Variants in FREM1 observed in about 807,000 individuals in gnomAD.
The protein encoded by FREM1 is FRAS1-related extracellular matrix protein 1.
Under a neutral mutation model 210.1 loss-of-function variants are expected in FREM1, and 220 were observed. That is an observed-to-expected ratio of 1.05 (90% CI 0.94 to 1.17). The LOEUF is 1.17. Among genes scored for constraint, FREM1 ranks in the 50% most tolerant of loss-of-function variants. The pLI, the probability that FREM1 is intolerant of heterozygous loss-of-function variation, is 0.00. For synonymous variants in FREM1, 1,189 were observed against 980.2 expected (o/e 1.21, Z -3.98); for missense variants, 3,454 against 2,675.5 (o/e 1.29, Z -6.42).
intron 5 of FREM1, 94 bp downstream of exon 5, chr9:14,857,459 T>G: frequency 4.6e-6 from 5 of 1,080,046 alleles, no homozygotes; most frequent in South Asian, 1.3e-5. Context: ...GCACAGGAAC[T>G]CTCCCTGGCA....
intron 12 of FREM1, 101 bp downstream of exon 12, chr9:14,823,924 G>A: frequency 1.8e-6 from 1 of 547,626 alleles, no homozygotes. Flanking sequence ...AGTCTTTGTG[G>A]ATGTCAAAGA....
At position 14,746,929 on chromosome 9, in the gene FREM1, T is replaced by G. The variant is rs752880221; in HGVS notation, c.6132A>C (p.Gln2044His). ...TGCTCAGCCTGCCTCCTACCTTGGTTTGGGGACTCCAGGCTTTCCAGGCGA... is the reference window on the plus strand; with the variant it reads ...TGCTCAGCCTGCCTCCTACCTTGGTGTGGGGACTCCAGGCTTTCCAGGCGA... Reference protein sequence around the residue: ...NGIAWKAWSPQTKDVEDKSCP... With the variant: ...NGIAWKAWSPHTKDVEDKSCP... Residue 2044 changes from glutamine (Q) to histidine (H), a missense_variant, in exon 34 of 37, where the codon CAA becomes CAC. By Grantham distance (24) the Gln-to-His change is conservative (BLOSUM62 0). Transcript: ENST00000380880. 1 of 1,612,800 alleles carries G rather than the reference T, an allele frequency of 6.2e-7. No homozygotes were observed. The highest frequency in any genetic ancestry group is 1.7e-5 in the Admixed American group (1 of 59,866).
At chr9:14,767,959 CA>C in intron 27 of FREM1, among the ~76,000 whole-genome samples, 1 of 152,172 alleles carries the variant, frequency 6.6e-6, no homozygotes, top group African/African-American at 2.4e-5. Flanking sequence ...TAATAGCCAA[CA>C]AAAGCAGGAG....
At chr9:14,741,930 G>T (rs984978589) in intron 35 of FREM1, among the ~76,000 whole-genome samples, 1 of 152,056 alleles carries the variant, frequency 6.6e-6, no homozygotes, top group Non-Finnish European at 1.5e-5. Context: ...GTACAATTTC[G>T]GTTTTCTTTT....
At chr9:14,887,343 T>C (rs949165857) in intron 1 of FREM1, among the ~76,000 whole-genome samples, 2 of 152,188 alleles carry the variant, frequency 1.3e-5, no homozygotes, top group Non-Finnish European at 2.9e-5. Context: ...AGCAGAGCTG[T>C]GGGAGAAACA....
chr9:14,742,130 T>C (rs959879308), intron 35 of FREM1, among the ~76,000 whole-genome samples: 1 of 152,212 alleles, frequency 6.6e-6, no homozygotes, highest in Non-Finnish European at 1.5e-5. Flanking sequence ...GTGGGTATTA[T>C]CTGTATAGGT....
intron 16 of FREM1, among the ~76,000 whole-genome samples, chr9:14,811,763 C>T (rs7847812): frequency 0.031 from 4,717 of 152,136 alleles, 213 homozygotes; most frequent in African/African-American, 0.11. Flanking sequence ...CTATCTCCAT[C>T]CCTCCTCCTT....
intron 18 of FREM1, among the ~76,000 whole-genome samples, chr9:14,806,253 C>CCTT (rs763690646): frequency 7.7e-6 from 1 of 129,788 alleles, no homozygotes; most frequent in African/African-American, 3.0e-5. Flanking sequence ...GTGCTTTAAA[C>CCTT]TTTTTTTTTT....
intron 10 of FREM1, among the ~76,000 whole-genome samples, chr9:14,828,637 G>GC (rs1491507412): frequency 8.5e-6 from 1 of 116,964 alleles, no homozygotes; most frequent in African/African-American, 2.9e-5. Context: ...ATAAATTGTG[G>GC]CGGGGCGGGG....
At chr9:14,800,790 G>C (rs1287833282) in intron 20 of FREM1, among the ~76,000 whole-genome samples, 1 of 152,172 alleles carries the variant, frequency 6.6e-6, no homozygotes, top group Non-Finnish European at 1.5e-5. Flanking sequence ...CAAGCCTAGA[G>C]AGAGCCCTTG....
chr9:14,784,745 C>A, intron 23 of FREM1, 111 bp from the exon 24 acceptor site: 1 of 672,018 alleles, frequency 1.5e-6, no homozygotes, highest in Non-Finnish European at 2.2e-6. Context: ...ATTAATACGA[C>A]ATAGAAAGGT....
chr9:14,764,604 T>A (rs535374208), intron 27 of FREM1, among the ~76,000 whole-genome samples: 1 of 152,306 alleles, frequency 6.6e-6, no homozygotes, highest in East Asian at 1.9e-4. Flanking sequence ...GAGATGGTAT[T>A]CGTTGCCACA....
intron 16 of FREM1, among the ~76,000 whole-genome samples, chr9:14,809,768 T>C (rs993432044): frequency 2.0e-5 from 3 of 152,202 alleles, no homozygotes; most frequent in African/African-American, 7.2e-5. Flanking sequence ...ATTTTGGAAC[T>C]TTCAAAAGAC....
chr9:14,868,680 C>A lies in FREM1; in HGVS notation c.234+64G>T, dbSNP rs1242603167. The A allele has an allele frequency of 7.9e-6, 8 of 1,016,394 alleles. No homozygotes were observed. In the Admixed American group the frequency reaches 8.0e-5, roughly 10 times the overall value. The allele number at this position is 1,016,394 out of a possible 1,614,324, so 63.0% of individuals were successfully genotyped here. A position where few individuals can be genotyped will look rare whatever the true frequency, so the allele number is the denominator to read the frequency against. ...ATTTTACATCTGTTCTCTGTCCCCC[C>A]ACACATTTTCATACACTTGCATTCA... On this transcript the variant is annotated intron_variant, in intron 2 of 36. Coordinates refer to ENST00000380880, the MANE Select transcript of FREM1 (RefSeq NM_001379081.2).
chr9:14,757,104 T>A (rs747728398), intron 28 of FREM1, among the ~76,000 whole-genome samples: 30 of 152,112 alleles, frequency 2.0e-4, no homozygotes, highest in Non-Finnish European at 3.7e-4. Flanking sequence ...GGTAGGTGTT[T>A]TAAAACAACA....
At chr9:14,856,131 G>C (rs1378892956) in intron 5 of FREM1, among the ~76,000 whole-genome samples, 1 of 151,996 alleles carries the variant, frequency 6.6e-6, no homozygotes, top group Non-Finnish European at 1.5e-5. Flanking sequence ...TATGTGCCAG[G>C]TTTTATGTCA....
In FREM1 at chr9:14,890,931, G is replaced by A. The variant is rs993358942; in HGVS notation, c.-268+18983C>T. ...AAATCATGTTGCTTTCAGCCAGAGC[G>A]TTGTATCATACAATTTTCACAACAG... On this transcript the variant is annotated intron_variant, in intron 1 of 36. Transcript: ENST00000380880. Among the ~76,000 whole-genome samples the A allele has an allele frequency of 3.3e-5, 5 of 152,170 alleles. No homozygotes were observed. The East Asian group carries it at 5.8e-4, about 18-fold the overall frequency.
chr9:14,874,152 G>C (rs1313408751), intron 1 of FREM1, among the ~76,000 whole-genome samples: 1 of 152,180 alleles, frequency 6.6e-6, no homozygotes, highest in Non-Finnish European at 1.5e-5. Flanking sequence ...CTGTTGATTT[G>C]GGGTGGAGGG....
intron 5 of FREM1, among the ~76,000 whole-genome samples, chr9:14,854,552 A>G (rs1588386741): frequency 6.6e-6 from 1 of 152,246 alleles, no homozygotes; most frequent in South Asian, 2.1e-4. Context: ...AAATAACATT[A>G]TATTTAATAT....
Sources: allele counts gnomAD v4.1 joint callset (sites outside exome capture counted in the v4.1 genomes callset), GRCh38; gene constraint gnomAD v4.1.1; transcripts MANE v1.5; gene names NCBI Gene and HGNC (gene_info 2026-07-23, HGNC 2026-07-21).